STYXL1: variants seen among roughly 807,000 people sequenced by gnomAD.
STYXL1 encodes the protein serine/threonine/tyrosine-interacting-like protein 1.
Under a neutral mutation model 36.4 loss-of-function variants are expected in STYXL1, and 32 were observed. That is an observed-to-expected ratio of 0.88 (90% CI 0.66 to 1.18). STYXL1 has a LOEUF of 1.18. Ranked by LOEUF, STYXL1 falls within the 50% of genes most tolerant of loss-of-function variation. STYXL1 has a pLI of 0.00. For synonymous variants in STYXL1, 133 were observed against 144.1 expected (o/e 0.92, Z 0.55); for missense variants, 354 against 394.1 (o/e 0.90, Z 0.86).
intron 1 of STYXL1, chr7:76,045,039 C>T (rs1554583079): frequency 6.6e-6 from 1 of 152,172 alleles, no homozygotes; most frequent in African/African-American, 2.4e-5. Flanking sequence ...CAATTAAGCC[C>T]ATCTAAAACG....
At position 76,013,781 on chromosome 7, in the gene STYXL1, G is replaced by A. The variant is rs1475475678; in HGVS notation, c.414C>T (p.Tyr138=). ...TGATCTTCTGGGTCCGGAGAAAGTG[G>A]TACGTGCCTGAGAAGCGCTCATAGC... ...KGGYERFSGT[Y]HFLRTQKIIW... Residue 138 remains tyrosine, a synonymous_variant, in exon 5 of 9, where the codon TAC becomes TAT. Coordinates refer to ENST00000359697, the MANE Select transcript of STYXL1 (RefSeq NM_001317785.2). 1 of 1,613,848 alleles carries A rather than the reference G, an allele frequency of 6.2e-7. No homozygotes were observed. Among genetic ancestry groups the A allele is most frequent in the Non-Finnish European group, 8.5e-7 (1 of 1,179,970 alleles).
chr7:76,021,196 G>A (rs938700640), intron 4 of STYXL1, among the ~76,000 whole-genome samples: 1 of 151,848 alleles, frequency 6.6e-6, no homozygotes, highest in Non-Finnish European at 1.5e-5. Context: ...TCCTGCCTCA[G>A]CCTCCCAAGT....
intron 3 of STYXL1, among the ~76,000 whole-genome samples, chr7:76,028,178 C>T (rs1171527758): frequency 2.6e-5 from 4 of 152,070 alleles, no homozygotes; most frequent in East Asian, 1.9e-4. Flanking sequence ...GGGACTCAGG[C>T]GTAAGCCACC....
At chr7:76,001,040 C>CACAGGGAGGAGG in intron 7 of STYXL1, 38 bp from the exon 8 acceptor site, 1 of 1,546,088 alleles carries the variant, frequency 6.5e-7, no homozygotes, top group Non-Finnish European at 8.9e-7. Flanking sequence ...ATGCCTGGCC[C>CACAGGGAGGAGG]TCCTCCCTGT....
intron 5 of STYXL1, 96 bp downstream of exon 5, chr7:76,013,646 C>T: frequency 1.9e-6 from 3 of 1,553,628 alleles, no homozygotes; most frequent in Non-Finnish European, 2.7e-6. Context: ...TATCCTCTGT[C>T]CCATCCTCCT....
intron 1 of STYXL1, among the ~76,000 whole-genome samples, chr7:76,042,389 G>GTTTTTTTTT (rs1563528839): frequency 4.5e-5 from 1 of 22,244 alleles, no homozygotes; most frequent in Admixed American, 8.6e-4. Context: ...GCCCTTATGT[G>GTTTTTTTTT]CTTTTTTTTT....
At chr7:76,031,532 T>C (rs1268707619) in intron 1 of STYXL1, among the ~76,000 whole-genome samples, 9 of 151,370 alleles carry the variant, frequency 5.9e-5, no homozygotes, top group African/African-American at 2.2e-4. Flanking sequence ...CTGGCCAACA[T>C]GGTGAAACCC....
At chr7:76,043,421 G>A (rs539437940) in intron 1 of STYXL1, among the ~76,000 whole-genome samples, 6 of 152,226 alleles carry the variant, frequency 3.9e-5, no homozygotes, top group South Asian at 2.1e-4. Context: ...GATTACAGGC[G>A]TGAGTCACCG....
At position 76,003,758 on chromosome 7, in the gene STYXL1, C is replaced by T; in HGVS notation, c.697G>A (p.Glu233Lys). 6.2e-7 allele frequency: 1 copy of T among 1,614,080 alleles called. No homozygotes were observed. Among genetic ancestry groups the T allele is most frequent in the Non-Finnish European group, 8.5e-7 (1 of 1,179,956 alleles). ...TACCCGGCCAAGGAACGCTCCTTAC[C>T]AATGAAGTGACACATGTGGCGTAAG... ...PFLRHMCHFI[E>K]IHHHLGSVIL... is the part of the protein sequence containing the mutation. The change falls in exon 7 of 9, where the codon GAA becomes AAA. Residue 233 changes from glutamate (E) to lysine (K), a missense_variant and splice_region_variant. Glu to Lys is a moderately conservative substitution (Grantham distance 56, BLOSUM62 1). Coordinates refer to ENST00000359697, the MANE Select transcript of STYXL1 (RefSeq NM_001317785.2).
intron 3 of STYXL1, among the ~76,000 whole-genome samples, chr7:76,023,226 C>T (rs1258566623): frequency 3.3e-5 from 5 of 152,124 alleles, no homozygotes; most frequent in Admixed American, 1.3e-4. Flanking sequence ...GCTTAAGTCA[C>T]GAACCCCAGC....
intron 3 of STYXL1, among the ~76,000 whole-genome samples, chr7:76,024,948 CAA>C (rs56728505): frequency 8.8e-4 from 64 of 72,368 alleles, no homozygotes; most frequent in Middle Eastern, 0.014. Flanking sequence ...GACTCTGTCT[CAA>C]AAAAAAAAAA....
intron 1 of STYXL1, chr7:76,045,245 G>C (rs542603290): frequency 6.6e-6 from 1 of 152,042 alleles, no homozygotes; most frequent in Non-Finnish European, 1.5e-5. Flanking sequence ...CCATTTCTAT[G>C]GCCACCACCG....
At chr7:75,999,915 T>C (rs1554566132) in intron 8 of STYXL1, among the ~76,000 whole-genome samples, 2 of 151,946 alleles carry the variant, frequency 1.3e-5, no homozygotes, top group Non-Finnish European at 2.9e-5. Context: ...GTCAAAAGGC[T>C]TACTATGTCC....
chr7:76,020,218 G>A (rs1554575674), intron 4 of STYXL1, among the ~76,000 whole-genome samples: 1 of 152,186 alleles, frequency 6.6e-6, no homozygotes. Flanking sequence ...GATGAGCTTA[G>A]GGAAGAAGGG....
intron 4 of STYXL1, 49 bp downstream of exon 4, chr7:76,021,802 G>T: frequency 7.1e-7 from 1 of 1,417,986 alleles, no homozygotes; most frequent in Non-Finnish European, 1.0e-6. Flanking sequence ...TAACAAATTT[G>T]TTCAATAGCC....
At chr7:76,040,130 G>A (rs1484216572) in intron 1 of STYXL1, among the ~76,000 whole-genome samples, 1 of 152,090 alleles carries the variant, frequency 6.6e-6, no homozygotes, top group Non-Finnish European at 1.5e-5. Context: ...CTGCTCATAC[G>A]GCAACTAGGC....
chr7:76,032,919 G>C (rs1455388094), intron 1 of STYXL1, among the ~76,000 whole-genome samples: 1 of 152,134 alleles, frequency 6.6e-6, no homozygotes, highest in Non-Finnish European at 1.5e-5. Context: ...CAGTACCTAA[G>C]AGAGTTCAAA....
chr7:75,998,221 T>C (rs924822076), intron 8 of STYXL1, among the ~76,000 whole-genome samples: 4 of 152,150 alleles, frequency 2.6e-5, no homozygotes, highest in African/African-American at 9.7e-5. Flanking sequence ...CAGTATGGTA[T>C]GGACATGAAG....
intron 5 of STYXL1, 95 bp downstream of exon 5, chr7:76,013,647 C>T: frequency 3.2e-6 from 5 of 1,553,916 alleles, no homozygotes; most frequent in Non-Finnish European, 4.4e-6. Context: ...ATCCTCTGTC[C>T]CATCCTCCTG....
Sources: allele counts gnomAD v4.1 joint callset (sites outside exome capture counted in the v4.1 genomes callset), GRCh38; gene constraint gnomAD v4.1.1; transcripts MANE v1.5; gene names NCBI Gene and HGNC (gene_info 2026-07-23, HGNC 2026-07-21).